Variants in DUSP29 observed in about 807,000 individuals in gnomAD.
DUSP29 encodes dual specificity phosphatase 29, also known as atypical dual-specific protein phosphatase.
Under a neutral mutation model 13.5 loss-of-function variants are expected in DUSP29, and 12 were observed. The observed-to-expected ratio is 0.89, with a 90% CI of 0.57 to 1.44. The LOEUF is 1.44. Ranked by LOEUF, DUSP29 falls within the 40% of genes most tolerant of loss-of-function variation. DUSP29 has a pLI of 0.00. For missense variants in DUSP29, 308 were observed against 301.1 expected, an observed-to-expected ratio of 1.02 and a Z score of -0.17; for synonymous variants, 134 against 128.7, an observed-to-expected ratio of 1.04 and a Z score of -0.28.
chr10:75,051,803 G>A lies in DUSP29; in HGVS notation c.200+6512C>T, dbSNP rs556817218. Among the ~76,000 whole-genome samples the A allele has an allele frequency of 3.9e-5, 6 of 152,396 alleles. No homozygotes were observed. In the East Asian group the frequency reaches 7.7e-4, roughly 20 times the overall value. On this transcript the variant is annotated intron_variant, in intron 2 of 3. Coordinates refer to ENST00000338487, the MANE Select transcript of DUSP29 (RefSeq NM_001003892.3). ...CTGCTTTGGGCAACCCCTGCAAAGAGACCAAGAAACACAGGCAGCCTTGCC... is the reference window on the plus strand; with the variant it reads ...CTGCTTTGGGCAACCCCTGCAAAGAAACCAAGAAACACAGGCAGCCTTGCC...
rs1034390970 is a variant in DUSP29 at position 75,043,886 on chromosome 10, A to G, written c.332T>C (p.Val111Ala). The G allele has an allele frequency of 8.7e-6, 14 of 1,614,032 alleles. No individual in the cohort carries two copies. The highest frequency in any genetic ancestry group is 1.1e-5 in the Non-Finnish European group (13 of 1,179,952). ...YRDMDIQYHG[V>A]EADDLPTFDL... ...GAAGGTGGGCAGGTCGTCGGCCTCC[A>G]CGCCGTGGTACTGGATGTCCATGTC... is the stretch of plus-strand genomic sequence containing the variant. The change falls in exon 3 of 4, where the codon GTG becomes GCG. Residue 111 changes from valine to alanine, a missense_variant. Physicochemically the swap from Val to Ala is moderately conservative, Grantham distance 64. Coordinates refer to ENST00000338487, the MANE Select transcript of DUSP29 (RefSeq NM_001003892.3).
intron 2 of DUSP29, among the ~76,000 whole-genome samples, chr10:75,051,871 G>A (rs1024535812): frequency 4.6e-5 from 7 of 152,196 alleles, no homozygotes; most frequent in East Asian, 1.9e-4. Flanking sequence ...CTGCATTGGC[G>A]GTAGAGTTAA....
intron 1 of DUSP29, among the ~76,000 whole-genome samples, chr10:75,069,662 C>T (rs1287391952): frequency 1.3e-5 from 2 of 152,162 alleles, no homozygotes; most frequent in Non-Finnish European, 1.5e-5. Flanking sequence ...CACAAAAGCT[C>T]GCAGAGAAAT....
intron 2 of DUSP29, among the ~76,000 whole-genome samples, chr10:75,051,473 C>T (rs1846827922): frequency 6.6e-6 from 1 of 152,242 alleles, no homozygotes; most frequent in Non-Finnish European, 1.5e-5. Context: ...AGAGCAGATG[C>T]TTGGCCGCTC....
intron 1 of DUSP29, among the ~76,000 whole-genome samples, chr10:75,068,819 G>A (rs527975834): frequency 2.2e-4 from 33 of 152,242 alleles, no homozygotes; most frequent in African/African-American, 5.8e-4. Context: ...TTGTCTTTAC[G>A]CATTTTAGAT....
At chr10:75,046,291 G>T (rs974351780) in intron 2 of DUSP29, among the ~76,000 whole-genome samples, 10 of 152,276 alleles carry the variant, frequency 6.6e-5, no homozygotes, top group Non-Finnish European at 5.9e-5. Flanking sequence ...ATGAAGACCA[G>T]GACTTCAGCT....
At chr10:75,069,292 C>T (rs1192530003) in intron 1 of DUSP29, among the ~76,000 whole-genome samples, 4 of 152,268 alleles carry the variant, frequency 2.6e-5, no homozygotes, top group Non-Finnish European at 4.4e-5. Flanking sequence ...TGGACTTTCT[C>T]GAGCGGCCAG....
At chr10:75,040,337 A>C (rs908523737) in intron 3 of DUSP29, among the ~76,000 whole-genome samples, 2 of 152,192 alleles carry the variant, frequency 1.3e-5, no homozygotes, top group African/African-American at 4.8e-5. Context: ...CAGGCCATGG[A>C]CTGCCAAAAG....
At chr10:75,041,849 A>T (rs1366560581) in intron 3 of DUSP29, among the ~76,000 whole-genome samples, 1 of 152,206 alleles carries the variant, frequency 6.6e-6, no homozygotes, top group Non-Finnish European at 1.5e-5. Flanking sequence ...ACACCTCCTC[A>T]TAATGTTCTG....
intron 2 of DUSP29, among the ~76,000 whole-genome samples, chr10:75,053,093 T>C (rs1005817945): frequency 6.6e-6 from 1 of 152,226 alleles, no homozygotes; most frequent in Non-Finnish European, 1.5e-5. Context: ...TGGCCCACCA[T>C]GGACTGCATT....
chr10:75,052,746 C>T (rs1258191702), intron 2 of DUSP29, among the ~76,000 whole-genome samples: 1 of 152,236 alleles, frequency 6.6e-6, no homozygotes, highest in Non-Finnish European at 1.5e-5. Flanking sequence ...GCCACCACGC[C>T]TGGCCAACTA....
chr10:75,054,275 A>G (rs780183405), intron 2 of DUSP29, among the ~76,000 whole-genome samples: 33 of 152,250 alleles, frequency 2.2e-4, no homozygotes, highest in Non-Finnish European at 3.5e-4. Flanking sequence ...GTCAGATCTA[A>G]GGAAATAATT....
At chr10:75,061,603 G>A (rs900257360) in intron 1 of DUSP29, among the ~76,000 whole-genome samples, 6 of 152,210 alleles carry the variant, frequency 3.9e-5, no homozygotes, top group Non-Finnish European at 5.9e-5. Flanking sequence ...CTGAGATGTG[G>A]CTAGAGAGCC....
At chr10:75,070,769 C>A (rs1401865790) in intron 1 of DUSP29, among the ~76,000 whole-genome samples, 2 of 152,278 alleles carry the variant, frequency 1.3e-5, no homozygotes, top group African/African-American at 4.8e-5. Context: ...GCGTGACATG[C>A]AAGAGAGTAG....
chr10:75,059,968 G>A (rs545932662), intron 1 of DUSP29, among the ~76,000 whole-genome samples: 27 of 152,230 alleles, frequency 1.8e-4, no homozygotes, highest in South Asian at 1.7e-3. Context: ...AGACCAGACT[G>A]CCTAACATGG....
At chr10:75,040,091 G>T (rs768363137) in intron 3 of DUSP29, among the ~76,000 whole-genome samples, 2 of 152,036 alleles carry the variant, frequency 1.3e-5, no homozygotes, top group African/African-American at 4.8e-5. Flanking sequence ...GAGGAGAATC[G>T]CTTGAATCCG....
chr10:75,043,837 C>A lies in DUSP29; in HGVS notation c.381G>T (p.Pro127=), dbSNP rs529508501. 1.9e-6 allele frequency: 3 copies of A among 1,613,836 alleles called. No individual in the cohort carries two copies. The South Asian group carries it at 3.3e-5, about 18-fold the overall frequency. Residue 127 remains proline, a synonymous_variant, in exon 3 of 4, where the codon CCG becomes CCT. Coordinates refer to ENST00000338487, the MANE Select transcript of DUSP29 (RefSeq NM_001003892.3). ...GCGCTCTGTCGATGAAGGCTGCCGC[C>A]GGGTAGAAGAAGACACTGAGGTCGA... ...PTFDLSVFFY[P]AAAFIDRALS... is the part of the protein sequence containing the mutation.
At chr10:75,044,082 GGCCACCCAC>G (rs1359031758) in intron 2 of DUSP29, 65 bp from the exon 3 acceptor site, 4 of 1,466,982 alleles carry the variant, frequency 2.7e-6, no homozygotes, top group Non-Finnish European at 9.3e-7. Context: ...GAAACTCAGG[GGCCACCCAC>G]GCTTTCCGCT....
chr10:75,052,060 A>T (rs1846844451), intron 2 of DUSP29, among the ~76,000 whole-genome samples: 1 of 152,180 alleles, frequency 6.6e-6, no homozygotes, highest in Non-Finnish European at 1.5e-5. Context: ...GGATTGAATT[A>T]AAAGGGCAGT....
Sources: gnomAD v4.1 joint callset for allele counts (sites outside exome capture counted in the v4.1 genomes callset) on GRCh38, gnomAD v4.1.1 for gene constraint, MANE v1.5 for transcripts, NCBI Gene and HGNC (gene_info 2026-07-23, HGNC 2026-07-21) for gene names.